The following FAM53B variants were observed in gnomAD, a reference collection of about 807,000 sequenced individuals.
FAM53B encodes the protein family with sequence similarity 53 member B, also known as protein FAM53B.
Under a neutral mutation model 32.7 loss-of-function variants are expected in FAM53B, and 12 were observed. The observed-to-expected ratio is 0.37, with a 90% confidence interval of 0.24 to 0.59. The LOEUF is 0.59. Among genes scored for constraint, FAM53B ranks in the 20% least tolerant of loss-of-function variants. The pLI, the probability that FAM53B is intolerant of heterozygous loss-of-function variation, is 0.72. For synonymous variants in FAM53B, 234 were observed against 228.7 expected, an observed-to-expected ratio of 1.02 and a Z score of -0.21; for missense variants, 477 against 577.7, an observed-to-expected ratio of 0.83 and a Z score of 1.79.
chr10:124,740,360 A>G (rs1446374662), intron 1 of FAM53B, among the ~76,000 whole-genome samples: 2 of 152,264 alleles, frequency 1.3e-5, no homozygotes, highest in Non-Finnish European at 2.9e-5. Context: ...AAAATACTTC[A>G]CTGTAAGAAG....
At chr10:124,705,112 T>C (rs1949944012) in intron 2 of FAM53B, among the ~76,000 whole-genome samples, 1 of 152,188 alleles carries the variant, frequency 6.6e-6, no homozygotes, top group African/African-American at 2.4e-5. Context: ...TGAGTCCCTA[T>C]CCTTGCAGCT....
At chr10:124,739,071 A>C (rs1007615729) in intron 1 of FAM53B, among the ~76,000 whole-genome samples, 1 of 152,174 alleles carries the variant, frequency 6.6e-6, no homozygotes, top group Non-Finnish European at 1.5e-5. Flanking sequence ...AAACAAAAAA[A>C]CACACAGCCA....
At chr10:124,695,618 T>A (rs774084116) in intron 3 of FAM53B, among the ~76,000 whole-genome samples, 19 of 152,144 alleles carry the variant, frequency 1.2e-4, no homozygotes, top group Middle Eastern at 3.2e-3. Context: ...TGTAGTTACA[T>A]CACTAAAGAC....
chr10:124,674,422 A>C (rs1423851315), intron 4 of FAM53B, among the ~76,000 whole-genome samples: 1 of 152,246 alleles, frequency 6.6e-6, no homozygotes, highest in Admixed American at 6.5e-5. Flanking sequence ...CATTTAACAC[A>C]GTGAGAGAGG....
At chr10:124,727,341 G>T (rs112251484) in intron 1 of FAM53B, among the ~76,000 whole-genome samples, 1 of 140,270 alleles carries the variant, frequency 7.1e-6, no homozygotes, top group South Asian at 2.5e-4. Flanking sequence ...GGGGGGGGGG[G>T]GGGTGCGGGG....
intron 3 of FAM53B, among the ~76,000 whole-genome samples, chr10:124,695,355 C>CT (rs982377142): frequency 9.2e-5 from 14 of 152,280 alleles, no homozygotes; most frequent in African/African-American, 2.4e-4. Flanking sequence ...CAATGGTCAT[C>CT]TTTTTTACCG....
intron 1 of FAM53B, among the ~76,000 whole-genome samples, chr10:124,708,419 T>C (rs901340536): frequency 2.0e-5 from 3 of 152,166 alleles, no homozygotes; most frequent in African/African-American, 7.2e-5. Flanking sequence ...GGGAAATCAA[T>C]ACATGTTCAG....
chr10:124,693,648 A>T (rs1386894160), intron 3 of FAM53B, among the ~76,000 whole-genome samples: 2 of 152,112 alleles, frequency 1.3e-5, no homozygotes, highest in Non-Finnish European at 2.9e-5. Flanking sequence ...CAAGCGCAGG[A>T]AAGGGATAGA....
Position 124,671,303 on chromosome 10 carries a change from G to A in FAM53B, c.906+10304C>T, listed in dbSNP as rs1182616162. The A allele has an allele frequency of 4.3e-5, 18 of 422,134 alleles. No individual in the cohort carries two copies. In the East Asian group the frequency reaches 5.9e-4, roughly 14 times the overall value. The allele number at this position is 422,134 out of a possible 1,614,324, so 26.1% of individuals were successfully genotyped here. ...CTCAGGTCTTGCCCCAGCCCTGTGCGGCCAATGGACTCCACGCTGCCAAGC... is the reference window on the plus strand; with the variant it reads ...CTCAGGTCTTGCCCCAGCCCTGTGCAGCCAATGGACTCCACGCTGCCAAGC... On this transcript the variant is annotated intron_variant, in intron 4 of 4. Coordinates refer to ENST00000337318, the MANE Select transcript of FAM53B (RefSeq NM_014661.4).
At chr10:124,646,218 C>T (rs1949512435) in intron 4 of FAM53B, among the ~76,000 whole-genome samples, 1 of 152,250 alleles carries the variant, frequency 6.6e-6, no homozygotes, top group Non-Finnish European at 1.5e-5. Flanking sequence ...CCATGTCACT[C>T]CACATCACAG....
chr10:124,689,921 C>T (rs1949823479), intron 3 of FAM53B, among the ~76,000 whole-genome samples: 1 of 152,232 alleles, frequency 6.6e-6, no homozygotes, highest in African/African-American at 2.4e-5. Context: ...CTATTCTACC[C>T]CTCAGCTCCC....
At chr10:124,690,321 G>T (rs1446539873) in intron 3 of FAM53B, among the ~76,000 whole-genome samples, 1 of 152,246 alleles carries the variant, frequency 6.6e-6, no homozygotes, top group Non-Finnish European at 1.5e-5. Context: ...GGGAAACTGG[G>T]CTTCAGAACG....
intron 2 of FAM53B, chr10:124,703,502 TGCTGGCCCAC>T (rs1949929587): frequency 6.6e-6 from 1 of 152,434 alleles, no homozygotes; most frequent in African/African-American, 2.4e-5. Flanking sequence ...AACACCTTCC[TGCTGGCCCAC>T]GCTATAGCGC....
At chr10:124,634,029 CAG>C (rs936181819) in intron 4 of FAM53B, among the ~76,000 whole-genome samples, 3 of 152,190 alleles carry the variant, frequency 2.0e-5, no homozygotes, top group African/African-American at 7.2e-5. Context: ...ATGTTCAACA[CAG>C]AGTTACCATC....
chr10:124,689,584 A>G (rs1345448448), intron 3 of FAM53B, among the ~76,000 whole-genome samples: 1 of 152,264 alleles, frequency 6.6e-6, no homozygotes, highest in Non-Finnish European at 1.5e-5. Flanking sequence ...GGCTAGAGGT[A>G]ATGCACCATC....
At chr10:124,712,422 G>A (rs1308870850) in intron 1 of FAM53B, among the ~76,000 whole-genome samples, 2 of 152,146 alleles carry the variant, frequency 1.3e-5, no homozygotes, top group African/African-American at 2.4e-5. Context: ...TGGGGCTGCT[G>A]TAAGATTTAA....
At chr10:124,664,825 C>G (rs1442564981) in intron 4 of FAM53B, among the ~76,000 whole-genome samples, 2 of 152,246 alleles carry the variant, frequency 1.3e-5, no homozygotes, top group Non-Finnish European at 2.9e-5. Flanking sequence ...CTGCCCAGGG[C>G]AGAAGTCCCC....
chr10:124,724,451 G>A (rs2134097706), intron 1 of FAM53B, among the ~76,000 whole-genome samples: 1 of 152,306 alleles, frequency 6.6e-6, no homozygotes, highest in African/African-American at 2.4e-5. Context: ...CCGCCACCCT[G>A]CTCTCTGCCT....
At position 124,675,000 on chromosome 10, in the gene FAM53B, C is replaced by G. The variant is rs143047783; in HGVS notation, c.906+6607G>C. Among the ~76,000 whole-genome samples, 441 of 152,324 alleles carry G rather than the reference C, an allele frequency of 2.9e-3. 1 individual carries two copies. Among genetic ancestry groups the G allele is most frequent in the Middle Eastern group, 0.01 (3 of 294 alleles). ...CAAACATTCTCTGCTCAGGATGGCT[C>G]TCAATTGAAGCGTGGAAATCACCAA... On this transcript the variant is annotated intron_variant, in intron 4 of 4. Transcript: ENST00000337318.
Sources: gnomAD v4.1 joint callset for allele counts (sites outside exome capture counted in the v4.1 genomes callset) on GRCh38, gnomAD v4.1.1 for gene constraint, MANE v1.5 for transcripts, NCBI Gene and HGNC (gene_info 2026-07-23, HGNC 2026-07-21) for gene names.